Variants in SUPT3H observed in about 807,000 individuals in gnomAD.
SUPT3H encodes transcription initiation protein SPT3 homolog.
A neutral mutation model predicts 44.3 loss-of-function variants in SUPT3H; 44 were observed. The ratio of observed to expected loss-of-function variants is 0.99; its 90% CI spans 0.78 to 1.28. The LOEUF is 1.28. Among genes scored for constraint, SUPT3H ranks in the 50% most tolerant of loss-of-function variants. The probability of loss-of-function intolerance (pLI) is 0.00; values close to 1 mark genes in which losing one functional copy is unlikely to be tolerated. For synonymous variants in SUPT3H, 124 were observed against 125.6 expected, an observed-to-expected ratio of 0.99 and a Z score of 0.09; for missense variants, 380 against 387.1, an observed-to-expected ratio of 0.98 and a Z score of 0.15.
Position 45,357,004 on chromosome 6 carries a change from G to A in SUPT3H, c.101+8197C>T, listed in dbSNP as rs925557918. Among the ~76,000 whole-genome samples the A allele has an allele frequency of 3.3e-5, 5 of 151,908 alleles. No homozygotes were observed. The South Asian group carries it at 8.3e-4, about 25-fold the overall frequency. ...TCTCTGATATATTTTTAGTAATGAA[G>A]AATCCATTTTTTTCTTTTCTGAGAC... On this transcript the variant is annotated intron_variant, in intron 2 of 10. Coordinates refer to ENST00000371459, the MANE Select transcript of SUPT3H (RefSeq NM_003599.4).
rs144220502 is a variant in SUPT3H, at chr6:45,205,067, TTTATACTG to T, written c.102-99069_102-99062del. The stretch of plus-strand genomic sequence containing the variant: ...GAAATAATATCTCGTAGATTCCAGT[TTTATACTG>T]TACTATAAAGCAAAACCAAATTCCC... On this transcript the variant is annotated intron_variant, in intron 2 of 10. Coordinates refer to ENST00000371459, the MANE Select transcript of SUPT3H (RefSeq NM_003599.4). Among the ~76,000 whole-genome samples the T allele has an allele frequency of 2.6e-3, 395 of 152,328 alleles. 2 individuals carry two copies. The highest frequency in any genetic ancestry group is 8.5e-3 in the African/African-American group (355 of 41,570).
chr6:45,212,980 CAAGA>C (rs1764383167), intron 2 of SUPT3H, among the ~76,000 whole-genome samples: 1 of 152,076 alleles, frequency 6.6e-6, no homozygotes, highest in East Asian at 1.9e-4. Flanking sequence ...ACAATCAGCA[CAAGA>C]AAGGAAGCCG....
intron 2 of SUPT3H, among the ~76,000 whole-genome samples, chr6:45,339,197 G>T (rs1021733248): frequency 6.6e-6 from 1 of 152,064 alleles, no homozygotes; most frequent in Non-Finnish European, 1.5e-5. Context: ...TTCCATTAAA[G>T]AATTCACTAG....
intron 2 of SUPT3H, among the ~76,000 whole-genome samples, chr6:45,302,503 A>T (rs1782286716): frequency 7.4e-6 from 1 of 134,626 alleles, no homozygotes; most frequent in African/African-American, 2.8e-5. Context: ...TATATAATGA[A>T]GTATCTCAGG....
chr6:44,846,039 C>G (rs1426211745), intron 10 of SUPT3H, among the ~76,000 whole-genome samples: 1 of 152,184 alleles, frequency 6.6e-6, no homozygotes, highest in Non-Finnish European at 1.5e-5. Flanking sequence ...AACGTTCACC[C>G]CTAGACACTG....
At chr6:45,070,175 A>C (rs1217808395) in intron 3 of SUPT3H, among the ~76,000 whole-genome samples, 1 of 152,144 alleles carries the variant, frequency 6.6e-6, no homozygotes, top group Non-Finnish European at 1.5e-5. Flanking sequence ...TTCCAGATTG[A>C]CTTCGCATAA....
At chr6:45,122,621 T>C (rs1392184640) in intron 2 of SUPT3H, among the ~76,000 whole-genome samples, 1 of 152,138 alleles carries the variant, frequency 6.6e-6, no homozygotes. Flanking sequence ...AATCACCATA[T>C]ACACCATTAA....
intron 6 of SUPT3H, among the ~76,000 whole-genome samples, chr6:44,990,739 C>A (rs1780499388): frequency 6.6e-6 from 1 of 152,070 alleles, no homozygotes; most frequent in Non-Finnish European, 1.5e-5. Context: ...CTCTCCCTCA[C>A]TTGAATAACT....
In SUPT3H at chr6:45,125,938, A is replaced by AT. The variant is rs561320493; in HGVS notation, c.102-19933dup. 3.9e-3 allele frequency among the ~76,000 whole-genome samples: 595 copies of AT among 151,836 alleles called. 7 individuals carry two copies. Among genetic ancestry groups the AT allele is most frequent in the African/African-American group, 0.014 (567 of 41,410 alleles). On this transcript the variant is annotated intron_variant, in intron 2 of 10. Transcript: ENST00000371459. Reference sequence around the variant, plus strand: ...ATTTTCAGTTATTCGTATCCCATCCATTTTTTTTCAGAAGTTTTGAAAAAG... The same window carrying AT: ...ATTTTCAGTTATTCGTATCCCATCCATTTTTTTTTCAGAAGTTTTGAAAAAG...
chr6:44,863,156 A>C (rs1774937694), intron 10 of SUPT3H, among the ~76,000 whole-genome samples: 1 of 152,246 alleles, frequency 6.6e-6, no homozygotes. Context: ...ATGTATGTAT[A>C]TCTACTCTAT....
intron 2 of SUPT3H, among the ~76,000 whole-genome samples, chr6:45,291,323 G>A (rs1437859548): frequency 6.6e-6 from 1 of 152,174 alleles, no homozygotes; most frequent in African/African-American, 2.4e-5. Context: ...CCTTTCCTCT[G>A]ACAGAGAGAA....
chr6:45,022,035 T>C (rs981955933), intron 3 of SUPT3H, among the ~76,000 whole-genome samples: 2 of 152,040 alleles, frequency 1.3e-5, no homozygotes, highest in African/African-American at 2.4e-5. Flanking sequence ...GAGGGAAATA[T>C]ATGTGCACAT....
chr6:44,954,324 G>A (rs1774777451), intron 8 of SUPT3H, among the ~76,000 whole-genome samples, 171 bp downstream of exon 8: 1 of 152,190 alleles, frequency 6.6e-6, no homozygotes, highest in Non-Finnish European at 1.5e-5. Flanking sequence ...TTGAATTGAG[G>A]ATGCAGAGAC....
intron 10 of SUPT3H, among the ~76,000 whole-genome samples, chr6:44,904,417 C>G (rs575049133): frequency 6.6e-6 from 1 of 152,226 alleles, no homozygotes; most frequent in East Asian, 1.9e-4. Flanking sequence ...CTCCCATTCA[C>G]AATTGCTTCA....
intron 11 of SUPT3H, among the ~76,000 whole-genome samples, chr6:44,810,921 A>T (rs1205764778): frequency 6.6e-6 from 1 of 151,780 alleles, no homozygotes; most frequent in East Asian, 1.9e-4. Flanking sequence ...AAAAAAAAAA[A>T]TTTATATTAG....
intron 10 of SUPT3H, among the ~76,000 whole-genome samples, chr6:44,922,256 T>C (rs1768844148): frequency 6.6e-6 from 1 of 152,216 alleles, no homozygotes; most frequent in African/African-American, 2.4e-5. Context: ...CATAATTATT[T>C]TTTTCCCGCA....
At chr6:44,937,588 A>C (rs1771670193) in intron 9 of SUPT3H, among the ~76,000 whole-genome samples, 1 of 152,132 alleles carries the variant, frequency 6.6e-6, no homozygotes, top group Non-Finnish European at 1.5e-5. Flanking sequence ...TATCCTCACC[A>C]ACATGTTATT....
At chr6:45,047,602 G>C (rs1227307616) in intron 3 of SUPT3H, among the ~76,000 whole-genome samples, 7 of 152,082 alleles carry the variant, frequency 4.6e-5, no homozygotes, top group Admixed American at 4.6e-4. Flanking sequence ...TTTCAGATGG[G>C]AGAAATAACA....
intron 2 of SUPT3H, among the ~76,000 whole-genome samples, chr6:45,243,340 C>G (rs775475525): frequency 6.7e-6 from 1 of 149,772 alleles, no homozygotes; most frequent in Non-Finnish European, 1.5e-5. Context: ...AGTGAAAAAA[C>G]TCACTGCACA....
Sources: gnomAD v4.1 joint callset for allele counts (sites outside exome capture counted in the v4.1 genomes callset) on GRCh38, gnomAD v4.1.1 for gene constraint, MANE v1.5 for transcripts, NCBI Gene and HGNC (gene_info 2026-07-23, HGNC 2026-07-21) for gene names.